OTOG: variants seen among roughly 807,000 people sequenced by gnomAD.
OTOG encodes otogelin.
A neutral mutation model predicts 313.8 loss-of-function variants in OTOG; 296 were observed. The ratio of observed to expected loss-of-function variants is 0.94; its 90% confidence interval spans 0.86 to 1.04. The LOEUF (loss-of-function observed/expected upper bound fraction) is 1.04, where lower values mean the gene tolerates loss of function less well. Ranked by LOEUF, OTOG falls within the 50% of genes least tolerant of loss-of-function variation. OTOG has a pLI of 0.00. For missense variants in OTOG, 3,948 were observed against 3,840.1 expected, an observed-to-expected ratio of 1.03 and a Z score of -0.74; for synonymous variants, 1,533 against 1,554.9, an observed-to-expected ratio of 0.99 and a Z score of 0.33.
intron 20 of OTOG, among the ~76,000 whole-genome samples, chr11:17,576,328 C>T (rs1403910410): frequency 6.6e-6 from 1 of 152,248 alleles, no homozygotes; most frequent in African/African-American, 2.4e-5. Flanking sequence ...GACTCCTTGT[C>T]TAAGCTTGGT....
rs1848060688 is a variant in OTOG, at chr11:17,645,654, CCCA to C, written c.8541+13_8541+15del. On this transcript the variant is annotated intron_variant, in intron 55 of 55. Coordinates refer to ENST00000399397, the MANE Select transcript of OTOG (RefSeq NM_001292063.2). ...AGGAGCAGCACCCCTGTGCGTGGTGCCCACAAGGCAGTGGGGCAGCAAAAAATG... is the reference window on the plus strand; with the variant it reads ...AGGAGCAGCACCCCTGTGCGTGGTGCCAAGGCAGTGGGGCAGCAAAAAATG... 6.4e-7 allele frequency: 1 copy of C among 1,550,564 alleles called. No homozygotes were observed. The highest frequency in any genetic ancestry group is 8.7e-7 in the Non-Finnish European group (1 of 1,147,012).
intron 25 of OTOG, 92 bp from the exon 26 acceptor site, chr11:17,593,101 C>A: frequency 7.8e-7 from 1 of 1,284,352 alleles, no homozygotes; most frequent in South Asian, 1.6e-5. Flanking sequence ...GGACTGAAAG[C>A]CACTCCAGAG....
rs74436205 is a variant in OTOG at position 17,562,039 on chromosome 11, A to G, written c.1644+232A>G. Reference sequence around the variant, plus strand: ...TTTGGTTTTAGGATTTTACTACCTAAAAAAAAAATATATATATATATATAT... The same window carrying G: ...TTTGGTTTTAGGATTTTACTACCTAGAAAAAAAATATATATATATATATAT... On this transcript the variant is annotated intron_variant, in intron 15 of 55. Transcript: ENST00000399397. Among the ~76,000 whole-genome samples, 275 of 117,912 alleles carry G rather than the reference A, an allele frequency of 2.3e-3. 1 individual carries two copies. Among genetic ancestry groups the G allele is most frequent in the African/African-American group, 8.9e-3 (210 of 23,610 alleles). 77.4% of individuals were successfully genotyped at this position (117,912 alleles called of 152,430 possible). A position where few individuals can be genotyped will look rare whatever the true frequency, so the allele number is the denominator to read the frequency against.
chr11:17,617,795 T>A (rs1285072264), intron 39 of OTOG, among the ~76,000 whole-genome samples: 1 of 152,144 alleles, frequency 6.6e-6, no homozygotes, highest in African/African-American at 2.4e-5. Context: ...TCTATTTCAT[T>A]GATTTCTGCT....
At chr11:17,582,024 G>C (rs770258708) in intron 23 of OTOG, among the ~76,000 whole-genome samples, 1 of 151,990 alleles carries the variant, frequency 6.6e-6, no homozygotes, top group African/African-American at 2.4e-5. Context: ...TTCTATCCCG[G>C]TAGTATTCCA....
chr11:17,567,871 C>T (rs1373254974), intron 15 of OTOG, among the ~76,000 whole-genome samples: 2 of 150,938 alleles, frequency 1.3e-5, no homozygotes, highest in African/African-American at 4.9e-5. Context: ...TTCTAATCTG[C>T]AAAATGGGGA....
At position 17,562,046 on chromosome 11, in the gene OTOG, AATATAT is replaced by A. The variant is rs375919593; in HGVS notation, c.1644+260_1644+265del. Among the ~76,000 whole-genome samples, 2,988 of 139,776 alleles carry A rather than the reference AATATAT, an allele frequency of 0.021. 84 individuals are homozygous for A. The highest frequency in any genetic ancestry group is 0.082 in the East Asian group (396 of 4,830). 91.7% of individuals were successfully genotyped at this position (139,776 alleles called of 152,430 possible). ...TTAGGATTTTACTACCTAAAAAAAAAATATATATATATATATATATATATATGTATG... is the reference window on the plus strand; with the variant it reads ...TTAGGATTTTACTACCTAAAAAAAAAATATATATATATATATATATGTATG... On this transcript the variant is annotated intron_variant, in intron 15 of 55. Coordinates refer to ENST00000399397, the MANE Select transcript of OTOG (RefSeq NM_001292063.2).
chr11:17,563,853 G>GTT (rs1565094488), intron 15 of OTOG, among the ~76,000 whole-genome samples: 99 of 133,376 alleles, frequency 7.4e-4, no homozygotes, highest in African/African-American at 3.0e-3. Context: ...GCTAGTTTTT[G>GTT]GTTTTTTTTT....
In OTOG at chr11:17,610,267, G is replaced by T; in HGVS notation, c.4967G>T (p.Arg1656Met). The change falls in exon 36 of 56, where the codon AGG (arginine) becomes ATG (methionine). Residue 1656 changes from arginine (R) to methionine (M), a missense_variant. Arg to Met is a moderately conservative substitution (Grantham distance 91, BLOSUM62 -1). Coordinates refer to ENST00000399397, the MANE Select transcript of OTOG (RefSeq NM_001292063.2). ...RPVASPGAIS[R>M]SPTSSGSHKA... ...GTGGCTTCCCCTGGAGCCATCTCCA[G>T]GTCCCCCACCTCCTCGGGATCCCAC... 1 of 1,550,582 alleles carries T rather than the reference G, an allele frequency of 6.4e-7. No homozygotes were observed. Among genetic ancestry groups the T allele is most frequent in the Middle Eastern group, 1.7e-4 (1 of 5,992 alleles).
intron 53 of OTOG, 61 bp from the exon 54 acceptor site, chr11:17,643,400 G>A: frequency 8.3e-7 from 1 of 1,199,536 alleles, no homozygotes; most frequent in Admixed American, 3.6e-5. Flanking sequence ...CTGGGATCTT[G>A]GCTCCCGGCC....
At chr11:17,558,084 C>T in intron 8 of OTOG, 101 bp from the exon 9 acceptor site, 1 of 1,406,116 alleles carries the variant, frequency 7.1e-7, no homozygotes, top group Non-Finnish European at 9.6e-7. Context: ...TTCAAAACTC[C>T]TTACCCATCC....
intron 21 of OTOG, 52 bp from the exon 22 acceptor site, chr11:17,576,816 G>T: frequency 6.5e-7 from 1 of 1,544,722 alleles, no homozygotes. Flanking sequence ...TGGGGTGTCT[G>T]GGTCCTGCAG....
At chr11:17,605,244 T>C (rs1282808072) in intron 32 of OTOG, among the ~76,000 whole-genome samples, 1 of 152,176 alleles carries the variant, frequency 6.6e-6, no homozygotes, top group Non-Finnish European at 1.5e-5. Flanking sequence ...ACTGGGCAGT[T>C]ATGGAGACCA....
intron 39 of OTOG, among the ~76,000 whole-genome samples, chr11:17,620,073 C>CT (rs1299526251): frequency 5.9e-5 from 9 of 151,988 alleles, no homozygotes; most frequent in Admixed American, 3.9e-4. Flanking sequence ...TTGCTCCTGT[C>CT]TTTTTTTTAT....
chr11:17,558,790 G>A, intron 10 of OTOG, 146 bp downstream of exon 10: 1 of 937,514 alleles, frequency 1.1e-6, no homozygotes, highest in Non-Finnish European at 1.6e-6. Context: ...GTGGGACAGA[G>A]CTGCCCCATT....
intron 39 of OTOG, among the ~76,000 whole-genome samples, chr11:17,626,825 C>G (rs1853996247): frequency 8.9e-6 from 1 of 112,248 alleles, no homozygotes; most frequent in Non-Finnish European, 2.2e-5. Context: ...TCATAAAGCT[C>G]TTTCACTTCT....
chr11:17,645,215 G>T (rs1848048844), intron 54 of OTOG, among the ~76,000 whole-genome samples: 1 of 152,216 alleles, frequency 6.6e-6, no homozygotes, highest in African/African-American at 2.4e-5. Flanking sequence ...AGGGGTAAGG[G>T]TAAAGTGGCC....
intron 28 of OTOG, 32 bp downstream of exon 28, chr11:17,594,198 C>A (rs1853032520): frequency 6.4e-7 from 1 of 1,550,446 alleles, no homozygotes; most frequent in Middle Eastern, 1.7e-4. Context: ...GGCTTATGCC[C>A]CTCACTCAGA....
At chr11:17,584,549 A>G (rs1405947585) in intron 23 of OTOG, among the ~76,000 whole-genome samples, 1 of 151,150 alleles carries the variant, frequency 6.6e-6, no homozygotes, top group Non-Finnish European at 1.5e-5. Flanking sequence ...TTTTTGAAAC[A>G]GAGTCTCAAT....
Sources: allele counts gnomAD v4.1 joint callset (sites outside exome capture counted in the v4.1 genomes callset), GRCh38; gene constraint gnomAD v4.1.1; transcripts MANE v1.5; gene names NCBI Gene and HGNC (gene_info 2026-07-23, HGNC 2026-07-21).